Variants in RALYL observed in about 807,000 individuals in gnomAD.
The protein encoded by RALYL is RALY RNA binding protein like, also known as RNA-binding Raly-like protein.
RALYL carries 29 observed loss-of-function variants against 35.1 expected under a neutral mutation model. The ratio of observed to expected loss-of-function variants is 0.83; its 90% CI spans 0.61 to 1.13. RALYL has a LOEUF of 1.13. Among genes scored for constraint, RALYL ranks in the 50% most tolerant of loss-of-function variants. The probability of loss-of-function intolerance (pLI) is 0.00; values close to 1 mark genes in which losing one functional copy is unlikely to be tolerated. For synonymous variants in RALYL, 120 were observed against 127.6 expected, an observed-to-expected ratio of 0.94 and a Z score of 0.40; for missense variants, 359 against 360.4, an observed-to-expected ratio of 1.00 and a Z score of 0.03.
At chr8:84,218,847 C>T (rs1821485060) in intron 1 of RALYL, among the ~76,000 whole-genome samples, 1 of 152,014 alleles carries the variant, frequency 6.6e-6, no homozygotes, top group Non-Finnish European at 1.5e-5. Context: ...GAATGACTCC[C>T]ATGAAGGAAC....
chr8:84,778,071 T>A (rs1384743021), intron 3 of RALYL, among the ~76,000 whole-genome samples: 1 of 152,200 alleles, frequency 6.6e-6, no homozygotes, highest in East Asian at 1.9e-4. Context: ...AGTGCTTTTC[T>A]AGGAAACTAG....
intron 1 of RALYL, among the ~76,000 whole-genome samples, chr8:84,380,390 C>T (rs945313555): frequency 2.0e-5 from 3 of 151,824 alleles, no homozygotes; most frequent in Admixed American, 1.3e-4. Flanking sequence ...GTTGTCTCAT[C>T]AGTCTATATC....
At chr8:84,556,778 G>T (rs976209547) in intron 2 of RALYL, among the ~76,000 whole-genome samples, 1 of 151,610 alleles carries the variant, frequency 6.6e-6, no homozygotes, top group Non-Finnish European at 1.5e-5. Flanking sequence ...TCTTTTTTTT[G>T]ACAACAGCAT....
chr8:84,813,621 T>A (rs898450433), intron 4 of RALYL, among the ~76,000 whole-genome samples: 3 of 152,246 alleles, frequency 2.0e-5, no homozygotes, highest in Admixed American at 1.3e-4. Context: ...TATTAATGAA[T>A]AAATCACTGC....
intron 4 of RALYL, among the ~76,000 whole-genome samples, chr8:84,812,906 G>A (rs978290269): frequency 5.9e-5 from 9 of 152,110 alleles, no homozygotes; most frequent in Admixed American, 3.3e-4. Context: ...CTGGATTCCC[G>A]CTCTCCCTTG....
At chr8:84,309,366 A>G (rs1842353840) in intron 1 of RALYL, among the ~76,000 whole-genome samples, 1 of 151,726 alleles carries the variant, frequency 6.6e-6, no homozygotes. Flanking sequence ...AGTATAGAAA[A>G]CATTGCTGTA....
intron 2 of RALYL, among the ~76,000 whole-genome samples, chr8:84,707,573 A>G (rs556799313): frequency 6.6e-6 from 1 of 152,290 alleles, no homozygotes; most frequent in Admixed American, 6.5e-5. Flanking sequence ...ACATGAGACA[A>G]GTCAGAAGAT....
At chr8:84,803,621 A>G (rs1426581455) in intron 3 of RALYL, among the ~76,000 whole-genome samples, 3 of 152,152 alleles carry the variant, frequency 2.0e-5, no homozygotes, top group African/African-American at 4.8e-5. Context: ...GTCCAAAGGG[A>G]TTGCTAAGGC....
chr8:84,517,151 C>A (rs576730967), intron 1 of RALYL, among the ~76,000 whole-genome samples: 1 of 152,254 alleles, frequency 6.6e-6, no homozygotes, highest in African/African-American at 2.4e-5. Flanking sequence ...CCAGTTGAAT[C>A]ATAGATCCAT....
intron 4 of RALYL, among the ~76,000 whole-genome samples, chr8:84,825,816 C>G (rs1268088985): frequency 6.6e-6 from 1 of 152,082 alleles, no homozygotes; most frequent in East Asian, 1.9e-4. Context: ...TGCAGTGAGT[C>G]AAGATTGTGC....
At chr8:84,540,267 C>G (rs531694221) in intron 2 of RALYL, among the ~76,000 whole-genome samples, 1 of 150,558 alleles carries the variant, frequency 6.6e-6, no homozygotes, top group Non-Finnish European at 1.5e-5. Context: ...TGTCTCATTA[C>G]GTGAGAAACC....
At chr8:84,892,080 T>C (rs1260700989) in intron 8 of RALYL, among the ~76,000 whole-genome samples, 3 of 152,124 alleles carry the variant, frequency 2.0e-5, no homozygotes, top group Non-Finnish European at 4.4e-5. Context: ...TGTGAGGTGG[T>C]GAGAAGCCAA....
chr8:84,450,538 A>G (rs1390654775), intron 1 of RALYL, among the ~76,000 whole-genome samples: 1 of 151,964 alleles, frequency 6.6e-6, no homozygotes, highest in East Asian at 1.9e-4. Context: ...TTAGTAATTT[A>G]TGGCTGCGGC....
intron 1 of RALYL, among the ~76,000 whole-genome samples, chr8:84,369,382 G>C (rs2131393734): frequency 6.6e-6 from 1 of 152,074 alleles, no homozygotes; most frequent in South Asian, 2.1e-4. Context: ...GCCTCTGCAG[G>C]AAACTGTGGT....
intron 1 of RALYL, among the ~76,000 whole-genome samples, chr8:84,299,864 T>A (rs1477232318): frequency 2.6e-5 from 4 of 152,008 alleles, no homozygotes; most frequent in African/African-American, 9.7e-5. Context: ...TCTTCTTTAT[T>A]AGTCTCACTA....
chr8:84,312,984 T>C (rs182776766), intron 1 of RALYL, among the ~76,000 whole-genome samples: 4 of 152,356 alleles, frequency 2.6e-5, no homozygotes, highest in Admixed American at 2.6e-4. Context: ...AGCAGGCTTC[T>C]GCATGGACAT....
At chr8:84,657,436 A>G (rs1371514447) in intron 2 of RALYL, among the ~76,000 whole-genome samples, 1 of 152,204 alleles carries the variant, frequency 6.6e-6, no homozygotes, top group Non-Finnish European at 1.5e-5. Context: ...GAAACTGGTT[A>G]TGGTTTTTTA....
intron 2 of RALYL, among the ~76,000 whole-genome samples, chr8:84,592,640 T>C (rs1322362345): frequency 6.6e-6 from 1 of 152,030 alleles, no homozygotes; most frequent in Non-Finnish European, 1.5e-5. Flanking sequence ...CATACCAAAA[T>C]TAAGTAGGCT....
At chr8:84,790,150 G>C (rs1226539045) in intron 3 of RALYL, among the ~76,000 whole-genome samples, 1 of 152,098 alleles carries the variant, frequency 6.6e-6, no homozygotes, top group Non-Finnish European at 1.5e-5. Context: ...ATAAAGTCCA[G>C]AACAAAGCTC....
Sources: gnomAD v4.1 joint callset for allele counts (sites outside exome capture counted in the v4.1 genomes callset) on GRCh38, gnomAD v4.1.1 for gene constraint, MANE v1.5 for transcripts, NCBI Gene and HGNC (gene_info 2026-07-23, HGNC 2026-07-21) for gene names.